The following PARP11 variants were observed in gnomAD, a reference collection of about 807,000 sequenced individuals.
The protein encoded by PARP11 is poly(ADP-ribose) polymerase family member 11, also known as protein mono-ADP-ribosyltransferase PARP11.
In PARP11, 31 loss-of-function variants were observed where a neutral mutation model predicts 42.9. The observed-to-expected ratio is 0.72, with a 90% CI of 0.54 to 0.98. PARP11 has a LOEUF of 0.98. Ranked by LOEUF, PARP11 falls within the 50% of genes least tolerant of loss-of-function variation. The probability of loss-of-function intolerance (pLI) is 0.00; values close to 1 mark genes in which losing one functional copy is unlikely to be tolerated. For synonymous variants in PARP11, 137 were observed against 127.3 expected, an observed-to-expected ratio of 1.08 and a Z score of -0.51; for missense variants, 365 against 413.1, an observed-to-expected ratio of 0.88 and a Z score of 1.01.
At chr12:3,827,011 C>A (rs756197821) in intron 3 of PARP11, among the ~76,000 whole-genome samples, 8 of 152,128 alleles carry the variant, frequency 5.3e-5, no homozygotes, top group African/African-American at 1.2e-4. Context: ...AAAGTGTGTT[C>A]TGTCCTTTCT....
chr12:3,857,624 T>C (rs1948217045), intron 1 of PARP11, among the ~76,000 whole-genome samples: 1 of 150,862 alleles, frequency 6.6e-6, no homozygotes, highest in Non-Finnish European at 1.5e-5. Flanking sequence ...TTCTTACCAG[T>C]CCATTATTAT....
In PARP11 at chr12:3,840,797, C is replaced by T; in HGVS notation, c.19-10779G>A. 6.3e-7 allele frequency: 1 copy of T among 1,584,086 alleles called. No homozygotes were observed. The highest frequency in any genetic ancestry group is 8.7e-7 in the Non-Finnish European group (1 of 1,152,724). The stretch of plus-strand genomic sequence containing the variant: ...GAGAATATTACTGATGATAAATATG[C>T]AACAGTTTCATCACCATCAAAGTCA... On this transcript the variant is annotated intron_variant, in intron 1 of 7. Coordinates refer to ENST00000228820, the MANE Select transcript of PARP11 (RefSeq NM_020367.6). This position sits in a 1 kb window ranked among gnomAD's most constrained non-coding sequence, Gnocchi z 4.4.
At chr12:3,833,638 A>T (rs2138053838) in intron 1 of PARP11, among the ~76,000 whole-genome samples, 1 of 152,252 alleles carries the variant, frequency 6.6e-6, no homozygotes, top group East Asian at 1.9e-4. Context: ...ACTGCTGAAA[A>T]TTTTTTTAAA....
At chr12:3,829,114 C>G (rs925375157) in intron 2 of PARP11, 84 bp from the exon 3 acceptor site, 2 of 1,487,054 alleles carry the variant, frequency 1.3e-6, no homozygotes, top group African/African-American at 1.4e-5. Flanking sequence ...GTCATAGAGA[C>G]AGGGAATGGA....
intron 1 of PARP11, among the ~76,000 whole-genome samples, chr12:3,846,129 A>C (rs1210635498): frequency 3.3e-5 from 5 of 152,178 alleles, no homozygotes; most frequent in Non-Finnish European, 7.3e-5. Flanking sequence ...ACTTTTTGTA[A>C]GTGTTGAATA....
intron 1 of PARP11, among the ~76,000 whole-genome samples, chr12:3,831,301 A>G (rs1947633887): frequency 6.6e-6 from 1 of 152,148 alleles, no homozygotes; most frequent in Non-Finnish European, 1.5e-5. Context: ...ACATAAAAAC[A>G]TATAGAGTTA....
chr12:3,839,374 A>T (rs922135926), intron 1 of PARP11: 1 of 1,479,252 alleles, frequency 6.8e-7, no homozygotes, highest in Admixed American at 2.0e-5. Flanking sequence ...CGCGACGCCC[A>T]TGGACGCCTA....
intron 1 of PARP11, among the ~76,000 whole-genome samples, chr12:3,853,799 C>T (rs1276024173): frequency 6.6e-6 from 1 of 152,244 alleles, no homozygotes; most frequent in African/African-American, 2.4e-5. Flanking sequence ...TAGACATCTA[C>T]AGAACTCTCC....
chr12:3,817,639 T>C (rs1046449522), intron 6 of PARP11, among the ~76,000 whole-genome samples: 7 of 152,242 alleles, frequency 4.6e-5, no homozygotes, highest in Non-Finnish European at 1.0e-4. Flanking sequence ...ATTCCCGAAC[T>C]TACTGAAAGT....
intron 1 of PARP11, among the ~76,000 whole-genome samples, chr12:3,834,379 T>C (rs1456321917): frequency 6.6e-6 from 1 of 152,108 alleles, no homozygotes; most frequent in Non-Finnish European, 1.5e-5. Flanking sequence ...ATGCCTGTGA[T>C]CCCAGCACTT....
chr12:3,863,959 T>C (rs1441545086), intron 1 of PARP11: 1 of 152,136 alleles, frequency 6.6e-6, no homozygotes. Context: ...GCAAATACAC[T>C]ATTAAGACAA....
chr12:3,870,304 C>T (rs74946880), intron 1 of PARP11, among the ~76,000 whole-genome samples: 3 of 152,088 alleles, frequency 2.0e-5, no homozygotes, highest in African/African-American at 7.2e-5. Flanking sequence ...AGCAGTAAGA[C>T]AAATATGTCT....
intron 4 of PARP11, among the ~76,000 whole-genome samples, chr12:3,825,376 T>G (rs1021180626): frequency 3.9e-5 from 6 of 152,236 alleles, no homozygotes; most frequent in African/African-American, 1.2e-4. Flanking sequence ...TTCTACCATC[T>G]TCCCTATGGC....
intron 1 of PARP11, among the ~76,000 whole-genome samples, chr12:3,853,127 G>A (rs1046254441): frequency 5.3e-5 from 8 of 152,186 alleles, no homozygotes; most frequent in African/African-American, 1.7e-4. Context: ...AAGAGCTCCT[G>A]AAGGAAGCAC....
intron 6 of PARP11, among the ~76,000 whole-genome samples, chr12:3,820,812 T>C (rs572727417): frequency 1.3e-5 from 2 of 152,284 alleles, no homozygotes; most frequent in African/African-American, 2.4e-5. Flanking sequence ...GAAATAAAAG[T>C]TGGTTTGGCC....
Position 3,812,450 on chromosome 12 carries a change from G to A in PARP11, c.701-11C>T, listed in dbSNP as rs756927204. Reference sequence around the variant, plus strand: ...TAGCAAAATAGGTTCCTTAAACAAAGAGGACCAAGAAAAGCCAAGATTACT... The same window carrying A: ...TAGCAAAATAGGTTCCTTAAACAAAAAGGACCAAGAAAAGCCAAGATTACT... On this transcript the variant is annotated splice_polypyrimidine_tract_variant and intron_variant, in intron 7 of 7. Coordinates refer to ENST00000228820, the MANE Select transcript of PARP11 (RefSeq NM_020367.6). 2.0e-5 allele frequency: 32 copies of A among 1,587,226 alleles called. No individual in the cohort carries two copies. The highest frequency in any genetic ancestry group is 2.5e-5 in the Non-Finnish European group (29 of 1,168,180).
In PARP11 at chr12:3,840,859, CCAG is replaced by C; in HGVS notation, c.19-10844_19-10842del. 6.3e-7 allele frequency: 1 copy of C among 1,598,638 alleles called. No individual in the cohort carries two copies. Among genetic ancestry groups the C allele is most frequent in the Non-Finnish European group, 8.6e-7 (1 of 1,165,780 alleles). ...GTGCCCTTCTCCTGCAGAACAAAAG[CCAG>C]CAGAACATGTGTCTTTGTCAAATCC... On this transcript the variant is annotated intron_variant, in intron 1 of 7. Coordinates refer to ENST00000228820, the MANE Select transcript of PARP11 (RefSeq NM_020367.6). The surrounding 1 kb of genome is among the most constrained non-coding windows in gnomAD (Gnocchi z 4.4).
In PARP11 at chr12:3,811,963, A is replaced by C; in HGVS notation, c.*160T>G. Reference sequence around the variant, plus strand: ...AGGCAAAAACAAAACAACAAAAACCAACCTTGAAGTCAGTATGTCTTTTTA... The same window carrying C: ...AGGCAAAAACAAAACAACAAAAACCCACCTTGAAGTCAGTATGTCTTTTTA... On this transcript the variant is annotated 3_prime_UTR_variant, in exon 8 of 8. Transcript: ENST00000228820. The C allele has an allele frequency of 1.7e-6, 1 of 571,672 alleles. No homozygotes were observed. 35.4% of individuals were successfully genotyped at this position (571,672 alleles called of 1,614,324 possible).
At chr12:3,842,681 A>C (rs1947916769) in intron 1 of PARP11, among the ~76,000 whole-genome samples, 1 of 152,186 alleles carries the variant, frequency 6.6e-6, no homozygotes, top group African/African-American at 2.4e-5. Flanking sequence ...CATGAGTTCA[A>C]GGGGGCAGGT....
Sources: gnomAD v4.1 joint callset for allele counts (sites outside exome capture counted in the v4.1 genomes callset) on GRCh38, gnomAD v4.1.1 for gene constraint, Gnocchi (gnomAD v3.1) non-coding constraint, MANE v1.5 for transcripts, NCBI Gene and HGNC (gene_info 2026-07-23, HGNC 2026-07-21) for gene names.